USP54: variants seen among roughly 807,000 people sequenced by gnomAD.
The protein encoded by USP54 is ubiquitin carboxyl-terminal hydrolase 54.
Under a neutral mutation model 170.5 loss-of-function variants are expected in USP54, and 87 were observed. The observed-to-expected ratio is 0.51, with a 90% CI of 0.43 to 0.61. The LOEUF is 0.61. USP54 is among the 20% of genes least tolerant of loss of function. The pLI, the probability that USP54 is intolerant of heterozygous loss-of-function variation, is 0.00. For synonymous variants in USP54, 655 were observed against 742.8 expected (o/e 0.88, Z 1.92); for missense variants, 1,786 against 2,047.8 (o/e 0.87, Z 2.47).
Position 73,498,879 on chromosome 10 carries a change from G to T in USP54, c.4805C>A (p.Pro1602His). Residue 1602 changes from proline to histidine, a missense_variant, in exon 24 of 24, where the codon CCT (proline) becomes CAT (histidine). This residue lies in a region of USP54 where 1,418 missense variants were observed against 1,569.0 expected (regional missense o/e 0.90). Coordinates refer to ENST00000687698, the MANE Select transcript of USP54 (RefSeq NM_001391956.1). Reference protein sequence around the residue: ...HSPSHPPIVHPVYPPSSSLHV... With the variant: ...HSPSHPPIVHHVYPPSSSLHV... ...AAGACTGCTAGATGGTGGGTACACA[G>T]GATGAACAATGGGAGGGTGGGAGGG... The T allele has an allele frequency of 6.2e-7, 1 of 1,613,072 alleles. No homozygotes were observed. The highest frequency in any genetic ancestry group is 1.1e-5 in the South Asian group (1 of 91,028).
At chr10:73,608,670 C>T (rs1266164518) in intron 1 of USP54, among the ~76,000 whole-genome samples, 2 of 152,102 alleles carry the variant, frequency 1.3e-5, no homozygotes, top group East Asian at 1.9e-4. Flanking sequence ...CCGAGGTGGG[C>T]AGATCATTTG....
intron 1 of USP54, among the ~76,000 whole-genome samples, chr10:73,620,483 T>C (rs2081002686): frequency 2.2e-5 from 3 of 133,566 alleles, no homozygotes; most frequent in Admixed American, 2.2e-4. Flanking sequence ...CTGGGGATTC[T>C]TTTTTTTTTT....
At chr10:73,599,297 C>T (rs1053058668) in intron 1 of USP54, among the ~76,000 whole-genome samples, 2 of 152,150 alleles carry the variant, frequency 1.3e-5, no homozygotes, top group South Asian at 4.1e-4. Context: ...GTAGAACAAT[C>T]CCCTGATCCA....
At position 73,511,096 on chromosome 10, in the gene USP54, C is replaced by CTTTT. The variant is rs777196673; in HGVS notation, c.4051+5275_4051+5278dup. On this transcript the variant is annotated intron_variant, in intron 20 of 23. Transcript: ENST00000687698. ...GGTACAAAGTTTCTGATGAAAACAC[C>CTTTT]TTTTTTTTTTTTTTTTTTTTGAGAC... Among the ~76,000 whole-genome samples the CTTTT allele has an allele frequency of 1.0e-3, 125 of 121,532 alleles. 6 individuals are homozygous for CTTTT. The highest frequency in any genetic ancestry group is 3.5e-3 in the African/African-American group (114 of 32,292). The allele number at this position is 121,532 out of a possible 152,430, so 79.7% of individuals were successfully genotyped here.
chr10:73,622,328 T>G (rs2081159165), intron 1 of USP54, among the ~76,000 whole-genome samples: 2 of 151,456 alleles, frequency 1.3e-5, no homozygotes, highest in African/African-American at 4.8e-5. Flanking sequence ...ATTTATTTAT[T>G]TATTTATTTA....
At chr10:73,589,769 C>G (rs2078005913) in intron 1 of USP54, among the ~76,000 whole-genome samples, 1 of 152,068 alleles carries the variant, frequency 6.6e-6, no homozygotes, top group Admixed American at 6.6e-5. Context: ...TGTGAGAGAG[C>G]AAGCACATGA....
In USP54 at chr10:73,523,663, C is replaced by G; in HGVS notation, c.2282G>C (p.Arg761Pro). 6.2e-7 allele frequency: 1 copy of G among 1,613,946 alleles called. No homozygotes were observed. The change falls in exon 17 of 24, where the codon CGG becomes CCG. Residue 761 changes from arginine (R) to proline (P), a missense_variant. Transcript: ENST00000687698. ...TTTCGCTGCCTCTAACTCCTTCTCC[C>G]GTTTTCTTCGAAGTTCCTGTTCCTG... is the stretch of plus-strand genomic sequence containing the variant. The part of the protein sequence containing the change: ...RAQEQELRRK[R>P]EKELEAAKGF...
At chr10:73,549,918 T>G (rs2068825933) in intron 4 of USP54, among the ~76,000 whole-genome samples, 1 of 152,170 alleles carries the variant, frequency 6.6e-6, no homozygotes, top group Non-Finnish European at 1.5e-5. Flanking sequence ...ACGATTCCAC[T>G]TCTCTTTGTT....
chr10:73,542,343 G>A (rs1458791221), intron 7 of USP54, among the ~76,000 whole-genome samples: 4 of 152,032 alleles, frequency 2.6e-5, no homozygotes, highest in Non-Finnish European at 4.4e-5. Context: ...CAAGTGATCC[G>A]CCCACCTGGG....
intron 11 of USP54, among the ~76,000 whole-genome samples, chr10:73,535,270 G>C (rs1269292762): frequency 6.6e-6 from 1 of 152,100 alleles, no homozygotes; most frequent in Non-Finnish European, 1.5e-5. Flanking sequence ...GTATAAATTA[G>C]TTCAATCAGA....
chr10:73,507,669 CAAAAAAAAAA>C (rs913305815), intron 20 of USP54, among the ~76,000 whole-genome samples: 12 of 22,460 alleles, frequency 5.3e-4, no homozygotes, highest in African/African-American at 1.6e-3. Context: ...GACTCCGTCG[CAAAAAAAAAA>C]AAAAAAAAAA....
intron 12 of USP54, 139 bp from the exon 13 acceptor site, chr10:73,530,974 G>A: frequency 8.2e-7 from 1 of 1,215,752 alleles, no homozygotes; most frequent in Non-Finnish European, 1.1e-6. Flanking sequence ...TAGGCTATCT[G>A]ATTTCAGTGT....
At chr10:73,606,244 T>G (rs1041943480) in intron 1 of USP54, 3 of 148,204 alleles carry the variant, frequency 2.0e-5, no homozygotes, top group African/African-American at 5.0e-5. Flanking sequence ...TGTGAATGTA[T>G]GCAACACTAC....
At chr10:73,571,158 A>G (rs1369189197) in intron 4 of USP54, among the ~76,000 whole-genome samples, 1 of 149,898 alleles carries the variant, frequency 6.7e-6, no homozygotes, top group Non-Finnish European at 1.5e-5. Flanking sequence ...AAAAAAAAAA[A>G]AAAAAGGAGA....
chr10:73,530,887 C>T (rs2133402144), intron 12 of USP54, 52 bp from the exon 13 acceptor site: 1 of 1,608,564 alleles, frequency 6.2e-7, no homozygotes, highest in East Asian at 2.2e-5. Context: ...TAACCTCCAC[C>T]CTCCTGAGAA....
rs749269944 is a variant in USP54, at chr10:73,516,389, G to C, written c.4037C>G (p.Pro1346Arg). 2 of 1,609,260 alleles carry C rather than the reference G, an allele frequency of 1.2e-6. No homozygotes were observed. Among genetic ancestry groups the C allele is most frequent in the Non-Finnish European group, 8.5e-7 (1 of 1,177,856 alleles). The part of the protein sequence containing the change: ...GWGQQDTAWH[P>R]LSQTGSADGM... ...TGCATTCTTACCTGTTTGGCTAAGT[G>C]GGTGCCAGGCGGTATCCTGCTGCCC... The change falls in exon 20 of 24, where the codon CCA becomes CGA. Residue 1346 changes from proline to arginine, a missense_variant. Around this residue, in one of 3 missense-constraint regions of USP54, gnomAD observed 1,418 missense variants for 1,569.0 expected, o/e 0.90. Coordinates refer to ENST00000687698, the MANE Select transcript of USP54 (RefSeq NM_001391956.1).
chr10:73,527,900 T>G (rs2063228257), intron 15 of USP54, among the ~76,000 whole-genome samples: 1 of 151,412 alleles, frequency 6.6e-6, no homozygotes, highest in African/African-American at 2.4e-5. Context: ...CATTTGGGCT[T>G]CTTCTCTGAT....
At chr10:73,504,675 C>T (rs1399896953) in intron 22 of USP54, 175 bp downstream of exon 22, 10 of 850,532 alleles carry the variant, frequency 1.2e-5, no homozygotes, top group Admixed American at 5.5e-5. Flanking sequence ...TTCCTCTGGG[C>T]TCCAGCTGAA....
chr10:73,512,594 C>T (rs2060388571), intron 20 of USP54, among the ~76,000 whole-genome samples: 1 of 151,996 alleles, frequency 6.6e-6, no homozygotes, highest in Admixed American at 6.6e-5. Flanking sequence ...GCTCATAGCA[C>T]ACTACAGCCT....
Sources: gnomAD v4.1 joint callset for allele counts (sites outside exome capture counted in the v4.1 genomes callset) on GRCh38, gnomAD v4.1.1 for gene constraint, gnomAD v4.1.1 regional missense constraint, MANE v1.5 for transcripts, NCBI Gene and HGNC (gene_info 2026-07-23, HGNC 2026-07-21) for gene names.